The following KCNMB1 variants were observed in gnomAD, a reference collection of about 807,000 sequenced individuals.
KCNMB1 encodes the protein potassium calcium-activated channel subfamily M regulatory beta subunit 1.
In KCNMB1, 22 loss-of-function variants were observed where a neutral mutation model predicts 21.7. The ratio of observed to expected loss-of-function variants is 1.01; its 90% CI spans 0.72 to 1.45. The LOEUF (loss-of-function observed/expected upper bound fraction) is 1.45. KCNMB1 is among the 40% of genes most tolerant of loss of function. The pLI is 0.00. For synonymous variants in KCNMB1, 114 were observed against 107.6 expected (o/e 1.06, Z -0.37); for missense variants, 243 against 243.4 (o/e 1.00, Z 0.01).
chr5:170,381,695 C>T (rs2113335653), intron 3 of KCNMB1, among the ~76,000 whole-genome samples: 1 of 152,362 alleles, frequency 6.6e-6, no homozygotes, highest in East Asian at 1.9e-4. Context: ...ATCCTGCTGA[C>T]AGTTCATTCA....
intron 3 of KCNMB1, chr5:170,382,802 T>C (rs1268814709): frequency 6.6e-6 from 1 of 152,476 alleles, no homozygotes; most frequent in Non-Finnish European, 1.5e-5. Context: ...TAACTTCCTC[T>C]GTTCTTCTCC....
In KCNMB1 at chr5:170,383,761, G is replaced by A. The variant is rs1181827504; in HGVS notation, c.224C>T (p.Pro75Leu). 6.2e-7 allele frequency: 1 copy of A among 1,614,160 alleles called. No homozygotes were observed. The highest frequency in any genetic ancestry group is 1.7e-5 in the Admixed American group (1 of 60,020). ...ELKGKKVPQY[P>L]CLWVNVSAAG... The stretch of plus-strand genomic sequence containing the variant: ...AGCTGACACGTTGACCCACAGGCAT[G>A]GGTACTGGGGCACCTTCTTGCCCTT... The change falls in exon 3 of 4, where the codon CCA (proline) becomes CTA (leucine). Residue 75 changes from proline to leucine, a missense_variant. Transcript: ENST00000274629.
At chr5:170,379,143 G>A (rs1461372375) in intron 3 of KCNMB1, among the ~76,000 whole-genome samples, 170 bp from the exon 4 acceptor site, 1 of 152,176 alleles carries the variant, frequency 6.6e-6, no homozygotes, top group African/African-American at 2.4e-5. Flanking sequence ...TGGAGAGCAC[G>A]CTCTCATTTG....
chr5:170,384,450 G>T (rs1260506395), intron 2 of KCNMB1, among the ~76,000 whole-genome samples: 12 of 152,214 alleles, frequency 7.9e-5, no homozygotes, highest in Admixed American at 5.9e-4. Context: ...TCTAGATGGT[G>T]CTTCACCAGA....
rs111240623 is a variant in KCNMB1, at chr5:170,377,726, C to T, written c.*978G>A. 2.0e-5 allele frequency: 3 copies of T among 152,202 alleles called. No homozygotes were observed. Among genetic ancestry groups the T allele is most frequent in the African/African-American group, 7.2e-5 (3 of 41,416 alleles). The allele number at this position is 152,202 out of a possible 1,614,324, so 9.4% of individuals were successfully genotyped here. ...TAGCTGGGACCACAGGTGCCCACCA[C>T]CACGCCTGGCTAATTTTTTGTATTT... On this transcript the variant is annotated 3_prime_UTR_variant, in exon 4 of 4. Coordinates refer to ENST00000274629, the MANE Select transcript of KCNMB1 (RefSeq NM_004137.4).
At chr5:170,379,003 C>T (rs1296676784) in intron 3 of KCNMB1, 30 bp from the exon 4 acceptor site, 1 of 1,602,586 alleles carries the variant, frequency 6.2e-7, no homozygotes, top group Admixed American at 1.7e-5. Context: ...CAGCTGTGGG[C>T]TTGGAAATCC....
intron 3 of KCNMB1, 127 bp from the exon 4 acceptor site, chr5:170,379,100 C>A: frequency 8.5e-7 from 1 of 1,178,848 alleles, no homozygotes. Context: ...GGGCTTTGGT[C>A]TAAAGCTTGG....
chr5:170,382,045 C>G (rs2113336837), intron 3 of KCNMB1, among the ~76,000 whole-genome samples: 1 of 152,258 alleles, frequency 6.6e-6, no homozygotes, highest in Middle Eastern at 3.4e-3. Flanking sequence ...GCACCCTGCC[C>G]CTTCCCGTCC....
In KCNMB1 at chr5:170,378,849, G is replaced by A. The variant is rs776118332; in HGVS notation, c.431C>T (p.Thr144Ile). Residue 144 changes from threonine to isoleucine, a missense_variant, in exon 4 of 4, where the codon ACC becomes ATC. Physicochemically the swap from Thr to Ile is moderately conservative, Grantham distance 89. Transcript: ENST00000274629. ...YCFSAPRGNE[T>I]SVLFQRLYGP... ...GTAGAGGCGCTGGAATAGGACGCTG[G>A]TTTCGTTCCCCCGAGGTGCGGAGAA... The A allele has an allele frequency of 1.2e-6, 2 of 1,614,142 alleles. No homozygotes were observed. Among genetic ancestry groups the A allele is most frequent in the Non-Finnish European group, 1.7e-6 (2 of 1,180,052 alleles).
chr5:170,380,411 T>C (rs1764192419), intron 3 of KCNMB1, among the ~76,000 whole-genome samples: 1 of 152,236 alleles, frequency 6.6e-6, no homozygotes, highest in Non-Finnish European at 1.5e-5. Context: ...TGTGTAAAAC[T>C]GAGACCCAAA....
In KCNMB1 at chr5:170,375,683, T is replaced by C. The variant is rs1408521875; in HGVS notation, c.*3021A>G. The C allele has an allele frequency of 6.6e-6, 1 of 152,438 alleles. No homozygotes were observed. The highest frequency in any genetic ancestry group is 2.4e-5 in the African/African-American group (1 of 41,456). 9.4% of individuals were successfully genotyped at this position (152,438 alleles called of 1,614,324 possible). ...GATGCCAGGTACTGGAACACACAGC[T>C]CCAGGCTTGAGTCCTAGCCCCTCAC... On this transcript the variant is annotated 3_prime_UTR_variant, in exon 4 of 4. Transcript: ENST00000274629.
In KCNMB1 at chr5:170,377,210, T is replaced by G. The variant is rs1247739854; in HGVS notation, c.*1494A>C. On this transcript the variant is annotated 3_prime_UTR_variant, in exon 4 of 4. Transcript: ENST00000274629. Reference sequence around the variant, plus strand: ...CTCACTTCCTACACCGGTAGTTCTCTGGCTCGAGGTGTGCCACAGAATCCC... The same window carrying G: ...CTCACTTCCTACACCGGTAGTTCTCGGGCTCGAGGTGTGCCACAGAATCCC... The G allele has an allele frequency of 1.3e-5, 2 of 152,274 alleles. No homozygotes were observed. Among genetic ancestry groups the G allele is most frequent in the Non-Finnish European group, 2.9e-5 (2 of 68,084 alleles). 9.4% of individuals were successfully genotyped at this position (152,274 alleles called of 1,614,324 possible).
chr5:170,387,635 T>C (rs951046574), intron 1 of KCNMB1, among the ~76,000 whole-genome samples: 1 of 152,178 alleles, frequency 6.6e-6, no homozygotes, highest in Admixed American at 6.5e-5. Flanking sequence ...CAAGCAGAAA[T>C]TGCCCCCGAC....
intron 3 of KCNMB1, among the ~76,000 whole-genome samples, chr5:170,379,558 A>G (rs955692335): frequency 3.3e-5 from 5 of 152,282 alleles, no homozygotes; most frequent in Non-Finnish European, 5.9e-5. Flanking sequence ...GGGCCTGTCA[A>G]TAGGGAGAGA....
At chr5:170,385,742 C>A (rs1303149178) in intron 1 of KCNMB1, among the ~76,000 whole-genome samples, 1 of 151,614 alleles carries the variant, frequency 6.6e-6, no homozygotes, top group East Asian at 1.9e-4. Context: ...TCAGTAATGG[C>A]CCCCCAAGAT....
At chr5:170,384,875 G>A (rs972030669) in intron 2 of KCNMB1, among the ~76,000 whole-genome samples, 2 of 152,204 alleles carry the variant, frequency 1.3e-5, no homozygotes, top group African/African-American at 4.8e-5. Context: ...GTTCAGTGAG[G>A]CAAGGAGCTC....
chr5:170,383,232 C>T (rs1003612186), intron 3 of KCNMB1: 49 of 290,798 alleles, frequency 1.7e-4, no homozygotes, highest in Middle Eastern at 1.0e-3. Flanking sequence ...GGGGAGTCAC[C>T]GGGATTCCAC....
intron 3 of KCNMB1, among the ~76,000 whole-genome samples, chr5:170,379,364 T>C (rs1204403613): frequency 1.3e-5 from 2 of 152,170 alleles, no homozygotes; most frequent in Non-Finnish European, 2.9e-5. Context: ...CACACAGAGC[T>C]ATCTAAGGAA....
rs1013326653 is a variant in KCNMB1 at position 170,378,652 on chromosome 5, G to T, written c.*52C>A. ...CTGCAAGTGGGGAGCAGCCCTGGGGGCCCAGCCAGTCCCCTGTGCCCTGAC... is the reference window on the plus strand; with the variant it reads ...CTGCAAGTGGGGAGCAGCCCTGGGGTCCCAGCCAGTCCCCTGTGCCCTGAC... On this transcript the variant is annotated 3_prime_UTR_variant, in exon 4 of 4. Transcript: ENST00000274629. The T allele has an allele frequency of 1.9e-6, 3 of 1,538,930 alleles. No homozygotes were observed. The highest frequency in any genetic ancestry group is 2.0e-5 in the Admixed American group (1 of 49,224).
Sources: allele counts gnomAD v4.1 joint callset (sites outside exome capture counted in the v4.1 genomes callset), GRCh38; gene constraint gnomAD v4.1.1; transcripts MANE v1.5; gene names NCBI Gene and HGNC (gene_info 2026-07-23, HGNC 2026-07-21).